The following MMP10 variants were observed in gnomAD, a reference collection of about 807,000 sequenced individuals.
The protein encoded by MMP10 is stromelysin-2.
In MMP10, 50 loss-of-function variants were observed where a neutral mutation model predicts 49.1. The observed-to-expected ratio is 1.02, with a 90% CI of 0.81 to 1.29. The LOEUF (loss-of-function observed/expected upper bound fraction) is 1.29, where lower values mean the gene tolerates loss of function less well. MMP10 is among the 50% of genes most tolerant of loss of function. The probability of loss-of-function intolerance (pLI) is 0.00; values close to 1 mark genes in which losing one functional copy is unlikely to be tolerated. For missense variants in MMP10, 613 were observed against 563.8 expected (o/e 1.09, Z -0.88); for synonymous variants, 229 against 201.6 (o/e 1.14, Z -1.15).
At chr11:102,780,423 T>C (rs527366474) in intron 1 of MMP10, 64 bp downstream of exon 1, 1 of 1,351,114 alleles carries the variant, frequency 7.4e-7, no homozygotes, top group East Asian at 2.3e-5. Context: ...CTGCTTTGTA[T>C]TGGAAGACCA....
chr11:102,771,388 G>T (rs773898443), intron 9 of MMP10, among the ~76,000 whole-genome samples: 1 of 152,246 alleles, frequency 6.6e-6, no homozygotes, highest in African/African-American at 2.4e-5. Context: ...TCATGGTTAA[G>T]TCATTTTAGT....
In MMP10 at chr11:102,770,800, TG is replaced by T. The variant is rs777977162; in HGVS notation, c.1423del (p.His475IlefsTer26). The T allele has an allele frequency of 6.2e-7, 1 of 1,601,496 alleles. No homozygotes were observed. The highest frequency in any genetic ancestry group is 1.1e-5 in the South Asian group (1 of 89,530). On this transcript the variant is annotated frameshift_variant, in exon 10 of 10. Coordinates refer to ENST00000279441, the MANE Select transcript of MMP10 (RefSeq NM_002425.3). LOFTEE classifies it high-confidence loss of function. ...THILKSNSWL[H>X]C The stretch of plus-strand genomic sequence containing the variant: ...GTCTTCCCCCTATCTCGCCTAGCAA[TG>T]TAACCAGCTGTTACTCTTTAATATG...
intron 7 of MMP10, among the ~76,000 whole-genome samples, chr11:102,773,874 C>A (rs1861997699): frequency 6.6e-6 from 1 of 152,206 alleles, no homozygotes; most frequent in African/African-American, 2.4e-5. Flanking sequence ...TCTGCTGCCC[C>A]TTCTAGAATA....
intron 6 of MMP10, among the ~76,000 whole-genome samples, 166 bp from the exon 7 acceptor site, chr11:102,775,487 C>T (rs569446628): frequency 4.3e-4 from 66 of 152,256 alleles, no homozygotes; most frequent in Non-Finnish European, 8.4e-4. Context: ...GGACTTGTGA[C>T]TGGTTCCAGT....
chr11:102,770,940 A>T (rs1211220146), intron 9 of MMP10, 47 bp from the exon 10 acceptor site: 1 of 1,223,874 alleles, frequency 8.2e-7, no homozygotes, highest in East Asian at 2.3e-5. Context: ...CAAATATGTC[A>T]TTTTGCAACA....
chr11:102,779,269 G>A lies in MMP10; in HGVS notation c.440C>T (p.Thr147Ile). The A allele has an allele frequency of 6.2e-7, 1 of 1,614,106 alleles. No homozygotes were observed. The highest frequency in any genetic ancestry group is 8.5e-7 in the Non-Finnish European group (1 of 1,180,012). Residue 147 changes from threonine (T) to isoleucine (I), a missense_variant, in exon 3 of 10, where the codon ACA becomes ATA. By Grantham distance (89) the Thr-to-Ile change is moderately conservative (BLOSUM62 -1). Coordinates refer to ENST00000279441, the MANE Select transcript of MMP10 (RefSeq NM_002425.3). ...LKVWEEVTPLTFSRLYEGEAD... is the reference protein window; with the variant it reads ...LKVWEEVTPLIFSRLYEGEAD... ...CTCTCCTTCATACAGCCTGGAGAAT[G>A]TGAGTGGAGTCACCTCTTCCCAGAC... is the stretch of plus-strand genomic sequence containing the variant.
chr11:102,779,157 C>T (rs1857786918), intron 3 of MMP10, 56 bp downstream of exon 3: 2 of 1,591,470 alleles, frequency 1.3e-6, no homozygotes, highest in South Asian at 1.2e-5. Flanking sequence ...AGGTAACTTG[C>T]TATAGCAGTC....
intron 9 of MMP10, among the ~76,000 whole-genome samples, 198 bp from the exon 10 acceptor site, chr11:102,771,091 C>T (rs1401864465): frequency 6.6e-6 from 1 of 152,022 alleles, no homozygotes; most frequent in East Asian, 1.9e-4. Flanking sequence ...TTAATGAGAA[C>T]AAAACTAAAA....
chr11:102,773,078 G>A (rs1861990661), intron 7 of MMP10, 72 bp from the exon 8 acceptor site: 1 of 1,420,526 alleles, frequency 7.0e-7, no homozygotes, highest in Non-Finnish European at 9.5e-7. Flanking sequence ...GTGCATTGTT[G>A]TGGTAAAGAG....
chr11:102,772,822 GAA>G lies in MMP10; in HGVS notation c.1226+23_1226+24del, dbSNP rs1343978441. On this transcript the variant is annotated intron_variant, in intron 8 of 9. Coordinates refer to ENST00000279441, the MANE Select transcript of MMP10 (RefSeq NM_002425.3). This position sits in a 1 kb window ranked among gnomAD's most constrained non-coding sequence, Gnocchi z 4.4. ...ATAATTTTCTTAATCAGGCTTCATA[GAA>G]AGTCATTTCTCTTGCATCTCACCTC... 9 of 1,599,696 alleles carry G rather than the reference GAA, an allele frequency of 5.6e-6. No homozygotes were observed. The African/African-American group carries it at 9.5e-5, about 17-fold the overall frequency.
intron 9 of MMP10, among the ~76,000 whole-genome samples, chr11:102,771,330 C>T (rs984862232): frequency 2.6e-5 from 4 of 152,180 alleles, no homozygotes; most frequent in Admixed American, 1.3e-4. Context: ...CCAAGAGAAT[C>T]AGACAAATGA....
At chr11:102,771,487 G>T (rs1393096865) in intron 9 of MMP10, among the ~76,000 whole-genome samples, 1 of 152,134 alleles carries the variant, frequency 6.6e-6, no homozygotes, top group Non-Finnish European at 1.5e-5. Flanking sequence ...AACAAGTTTT[G>T]CTTTCCTATT....
chr11:102,779,442 C>T, intron 2 of MMP10, 62 bp downstream of exon 2: 3 of 1,609,260 alleles, frequency 1.9e-6, no homozygotes, highest in South Asian at 2.2e-5. Flanking sequence ...TGTTACTTAT[C>T]CAAATATGAC....
intron 7 of MMP10, among the ~76,000 whole-genome samples, chr11:102,773,906 C>A (rs1861997950): frequency 6.6e-6 from 1 of 152,164 alleles, no homozygotes; most frequent in South Asian, 2.1e-4. Context: ...CAGTCCTGAC[C>A]TCCACCAATG....
intron 7 of MMP10, among the ~76,000 whole-genome samples, chr11:102,773,608 A>G (rs1297173513): frequency 6.6e-6 from 1 of 152,218 alleles, no homozygotes; most frequent in Non-Finnish European, 1.5e-5. Flanking sequence ...TCTGAACCGA[A>G]TGACTTGTAT....
In MMP10 at chr11:102,770,697, A is replaced by C; in HGVS notation, c.*96T>G. On this transcript the variant is annotated 3_prime_UTR_variant, in exon 10 of 10. Transcript: ENST00000279441. ...GGCTCATCTTCTTCAGTCACAGAAC[A>C]TGCAGGAAAAATTAACCATTTTGGC... is the stretch of plus-strand genomic sequence containing the variant. 4 of 704,508 alleles carry C rather than the reference A, an allele frequency of 5.7e-6. No homozygotes were observed. The highest frequency in any genetic ancestry group is 9.5e-6 in the Non-Finnish European group (4 of 423,256). 43.6% of individuals were successfully genotyped at this position (704,508 alleles called of 1,614,324 possible). A position where few individuals can be genotyped will look rare whatever the true frequency, so the allele number is the denominator to read the frequency against.
chr11:102,772,738 G>T lies in MMP10; in HGVS notation c.1226+109C>A. ...TGTCTTCCTCATAATCATAAATTTT[G>T]AAGTTAGAGAAAGTTAGAGGGTGGG... On this transcript the variant is annotated intron_variant, in intron 8 of 9. Coordinates refer to ENST00000279441, the MANE Select transcript of MMP10 (RefSeq NM_002425.3). The surrounding 1 kb of genome is among the most constrained non-coding windows in gnomAD (Gnocchi z 4.4). 8.8e-7 allele frequency: 1 copy of T among 1,134,274 alleles called. No individual in the cohort carries two copies. The highest frequency in any genetic ancestry group is 2.4e-5 in the East Asian group (1 of 41,258). The allele number at this position is 1,134,274 out of a possible 1,614,324, so 70.3% of individuals were successfully genotyped here.
chr11:102,778,241 G>A (rs1268954596), intron 4 of MMP10, among the ~76,000 whole-genome samples: 1 of 152,022 alleles, frequency 6.6e-6, no homozygotes, highest in East Asian at 1.9e-4. Flanking sequence ...CCAATGAGAA[G>A]AAAGAAAGAA....
rs1214587299 is a variant in MMP10, at chr11:102,772,590, G to C, written c.1226+257C>G. ...GGCAGCCACATGGTGACTGGAAATG[G>C]AATAAGAGGTGAATGCCTTTGGACC... is the stretch of plus-strand genomic sequence containing the variant. On this transcript the variant is annotated intron_variant, in intron 8 of 9. Coordinates refer to ENST00000279441, the MANE Select transcript of MMP10 (RefSeq NM_002425.3). The surrounding 1 kb of genome is among the most constrained non-coding windows in gnomAD (Gnocchi z 4.4). Among the ~76,000 whole-genome samples the C allele has an allele frequency of 6.6e-6, 1 of 152,178 alleles. No individual in the cohort carries two copies. The highest frequency in any genetic ancestry group is 2.4e-5 in the African/African-American group (1 of 41,436).
Sources: allele counts gnomAD v4.1 joint callset (sites outside exome capture counted in the v4.1 genomes callset), GRCh38; gene constraint gnomAD v4.1.1; non-coding constraint Gnocchi (gnomAD v3.1); transcripts MANE v1.5; gene names NCBI Gene and HGNC (gene_info 2026-07-23, HGNC 2026-07-21).